TAFA1: variants seen among roughly 807,000 people sequenced by gnomAD.
TAFA1 encodes TAFA chemokine like family member 1, also known as chemokine-like protein TAFA-1.
In TAFA1, 4 loss-of-function variants were observed where a neutral mutation model predicts 18.5. The ratio of observed to expected loss-of-function variants is 0.22; its 90% CI spans 0.11 to 0.49. TAFA1 has a LOEUF of 0.49. Ranked by LOEUF, TAFA1 falls within the 20% of genes least tolerant of loss-of-function variation. The probability of loss-of-function intolerance (pLI) is 0.98; values close to 1 mark genes in which losing one functional copy is unlikely to be tolerated. For missense variants in TAFA1, 147 were observed against 169.0 expected, an observed-to-expected ratio of 0.87 and a Z score of 0.72; for synonymous variants, 56 against 55.2, an observed-to-expected ratio of 1.01 and a Z score of -0.06.
rs188788793 is a variant in TAFA1 at position 68,327,828 on chromosome 3, A to G, written c.119-89452A>G. ...AATGGATTATATCATTTAAAGCATG[A>G]CATAGAGCTGCCTTACTTCACTATT... On this transcript the variant is annotated intron_variant, in intron 2 of 4. Coordinates refer to ENST00000478136, the MANE Select transcript of TAFA1 (RefSeq NM_213609.4). 4.1e-4 allele frequency among the ~76,000 whole-genome samples: 63 copies of G among 152,318 alleles called. No individual in the cohort carries two copies. The East Asian group carries it at 0.012, about 28-fold the overall frequency.
the TAFA1 span, among the ~76,000 whole-genome samples, chr3:67,995,433 A>T: frequency 1.5e-3 from 224 of 152,260 alleles, 1 homozygote; most frequent in African/African-American, 4.9e-3. Flanking sequence ...TACTGCCAAG[A>T]TTGAGGATTT....
chr3:68,208,634 C>T (rs2066555533), intron 2 of TAFA1, among the ~76,000 whole-genome samples: 1 of 151,934 alleles, frequency 6.6e-6, no homozygotes, highest in Admixed American at 6.6e-5. Context: ...AAAGTAAGGC[C>T]AGTTGGCCTG....
At chr3:68,378,805 T>C (rs1423177377) in intron 2 of TAFA1, among the ~76,000 whole-genome samples, 2 of 152,092 alleles carry the variant, frequency 1.3e-5, no homozygotes, top group African/African-American at 4.8e-5. Context: ...TTGTTTCGTT[T>C]CGTAAGCAAA....
At chr3:68,535,537 T>C (rs537207282) in intron 3 of TAFA1, among the ~76,000 whole-genome samples, 1 of 152,202 alleles carries the variant, frequency 6.6e-6, no homozygotes, top group African/African-American at 2.4e-5. Context: ...TTGCTGGCCA[T>C]ATCCAGTGGA....
intron 3 of TAFA1, among the ~76,000 whole-genome samples, chr3:68,506,608 T>C (rs1425993511): frequency 6.6e-6 from 1 of 152,182 alleles, no homozygotes. Context: ...GCATTTGTTA[T>C]GGTCTGATTG....
rs2065896370 is a variant in TAFA1 at position 68,159,004 on chromosome 3, G to A, written c.118+152260G>A. ...GTTCAATCTCCTGTTCATTCAATCT[G>A]CAATTACTGAATGCCAACCACATTA... On this transcript the variant is annotated intron_variant, in intron 2 of 4. Coordinates refer to ENST00000478136, the MANE Select transcript of TAFA1 (RefSeq NM_213609.4). Among the ~76,000 whole-genome samples the A allele has an allele frequency of 2.0e-5, 3 of 152,136 alleles. No homozygotes were observed. The South Asian group carries it at 6.2e-4, about 31-fold the overall frequency.
chr3:68,258,987 G>T (rs1352850), intron 2 of TAFA1, among the ~76,000 whole-genome samples: 40,197 of 152,076 alleles, frequency 0.26, 5,398 homozygotes, highest in East Asian at 0.34. Flanking sequence ...TGACCAGCAT[G>T]CCAGGACTCA....
At chr3:68,543,491 C>T (rs1223398741) in intron 4 of TAFA1, among the ~76,000 whole-genome samples, 7 of 152,070 alleles carry the variant, frequency 4.6e-5, no homozygotes, top group South Asian at 2.1e-4. Flanking sequence ...TTCCCTAAAA[C>T]GAGGAGGTAG....
At chr3:68,443,313 CT>C (rs1696353651) in intron 3 of TAFA1, among the ~76,000 whole-genome samples, 1 of 151,924 alleles carries the variant, frequency 6.6e-6, no homozygotes, top group Non-Finnish European at 1.5e-5. Flanking sequence ...CACCAAATAT[CT>C]GTGCCTACTT....
chr3:68,276,358 C>T (rs933172833), intron 2 of TAFA1, among the ~76,000 whole-genome samples: 5 of 152,164 alleles, frequency 3.3e-5, no homozygotes, highest in African/African-American at 1.2e-4. Context: ...TCAATAGTTA[C>T]TGGTAGCATT....
At position 68,018,137 on chromosome 3, in the gene TAFA1, T is replaced by G. The variant is rs565052233; in HGVS notation, c.118+11393T>G. ...AATTAAAGGGAAAACAAGATTTTAT[T>G]TCTTAATTACTTAGTTTTACAATCT... On this transcript the variant is annotated intron_variant, in intron 2 of 4. Transcript: ENST00000478136. Among the ~76,000 whole-genome samples the G allele has an allele frequency of 2.4e-3, 372 of 152,320 alleles. 1 individual carries two copies. Among genetic ancestry groups the G allele is most frequent in the Non-Finnish European group, 4.1e-3 (280 of 68,018 alleles).
intron 3 of TAFA1, among the ~76,000 whole-genome samples, chr3:68,462,457 C>T (rs1281152341): frequency 6.6e-6 from 1 of 152,124 alleles, no homozygotes; most frequent in Admixed American, 6.6e-5. Context: ...TCCTCACTCA[C>T]CTTTCACCAT....
At chr3:68,199,361 A>G (rs1349576685) in intron 2 of TAFA1, among the ~76,000 whole-genome samples, 1 of 151,480 alleles carries the variant, frequency 6.6e-6, no homozygotes, top group Non-Finnish European at 1.5e-5. Context: ...GCCTCTCCAT[A>G]TAAGCTTCAG....
intron 3 of TAFA1, among the ~76,000 whole-genome samples, chr3:68,502,865 C>A (rs2072681401): frequency 6.6e-6 from 1 of 152,056 alleles, no homozygotes; most frequent in South Asian, 2.1e-4. Context: ...GTATTCAGAC[C>A]AACACTCTTA....
At chr3:68,182,143 A>G (rs529168132) in intron 2 of TAFA1, among the ~76,000 whole-genome samples, 22 of 152,310 alleles carry the variant, frequency 1.4e-4, no homozygotes, top group African/African-American at 5.3e-4. Context: ...CAGGAGGTCA[A>G]GGCTGCAGTG....
At chr3:68,010,428 A>C (rs1445447228) in intron 2 of TAFA1, among the ~76,000 whole-genome samples, 2 of 152,178 alleles carry the variant, frequency 1.3e-5, no homozygotes, top group African/African-American at 4.8e-5. Flanking sequence ...TTTAGGGGAA[A>C]TGGTTAGAGA....
chr3:68,483,481 A>C (rs1394022033), intron 3 of TAFA1, among the ~76,000 whole-genome samples: 1 of 152,210 alleles, frequency 6.6e-6, no homozygotes, highest in African/African-American at 2.4e-5. Context: ...CCTCTGATTA[A>C]GAAGTTATAT....
chr3:67,999,626 G>A (rs1182820052), upstream of TAFA1, among the ~76,000 whole-genome samples: 1 of 151,846 alleles, frequency 6.6e-6, no homozygotes, highest in Non-Finnish European at 1.5e-5. Flanking sequence ...TGAGAACCAG[G>A]GTAGAAAATT....
At chr3:68,144,829 C>T (rs2065716803) in intron 2 of TAFA1, among the ~76,000 whole-genome samples, 1 of 152,158 alleles carries the variant, frequency 6.6e-6, no homozygotes, top group African/African-American at 2.4e-5. Flanking sequence ...CTTTTAACTC[C>T]ATGCTCTTTG....
Sources: allele counts gnomAD v4.1 joint callset (sites outside exome capture counted in the v4.1 genomes callset), GRCh38; gene constraint gnomAD v4.1.1; transcripts MANE v1.5; gene names NCBI Gene and HGNC (gene_info 2026-07-23, HGNC 2026-07-21).